The following PLCE1 variants were observed in gnomAD, a reference collection of about 807,000 sequenced individuals.
PLCE1 encodes the protein 1-phosphatidylinositol 4,5-bisphosphate phosphodiesterase epsilon-1.
PLCE1 carries 119 observed loss-of-function variants against 242.8 expected under a neutral mutation model. The ratio of observed to expected loss-of-function variants is 0.49; its 90% CI spans 0.42 to 0.57. PLCE1 has a LOEUF of 0.57. Among genes scored for constraint, PLCE1 ranks in the 20% least tolerant of loss-of-function variants. PLCE1 has a pLI of 0.00. For synonymous variants in PLCE1, 945 were observed against 1,017.4 expected (o/e 0.93, Z 1.35); for missense variants, 2,441 against 2,788.8 (o/e 0.88, Z 2.81).
At chr10:94,275,020 C>T (rs1464724954) in intron 19 of PLCE1, among the ~76,000 whole-genome samples, 1 of 152,124 alleles carries the variant, frequency 6.6e-6, no homozygotes, top group Non-Finnish European at 1.5e-5. Flanking sequence ...CACTGCCAAG[C>T]AGATAAAGCT....
At chr10:94,069,889 A>G (rs2044303677) in intron 2 of PLCE1, among the ~76,000 whole-genome samples, 1 of 152,214 alleles carries the variant, frequency 6.6e-6, no homozygotes, top group African/African-American at 2.4e-5. Flanking sequence ...AGCCAGGTCT[A>G]TAGGACAGCT....
At chr10:94,188,039 G>A (rs1416919649) in intron 4 of PLCE1, among the ~76,000 whole-genome samples, 1 of 151,850 alleles carries the variant, frequency 6.6e-6, no homozygotes, top group Non-Finnish European at 1.5e-5. Flanking sequence ...CAGCTACCAT[G>A]AGGTCCCAGT....
chr10:94,231,466 C>T (rs1020920926), intron 5 of PLCE1, among the ~76,000 whole-genome samples: 19 of 152,148 alleles, frequency 1.2e-4, no homozygotes, highest in African/African-American at 4.3e-4. Flanking sequence ...AGCTCTCCCT[C>T]CCTCAACCCT....
Position 94,298,423 on chromosome 10 carries a change from C to T in PLCE1, c.5212C>T (p.Pro1738Ser). The change falls in exon 24 of 33, where the codon CCT becomes TCT. Residue 1738 changes from proline to serine, a missense_variant. Pro to Ser is a moderately conservative substitution (Grantham distance 74, BLOSUM62 -1). Transcript: ENST00000371380. The surrounding 1 kb of genome is among the most constrained non-coding windows in gnomAD (Gnocchi z 5.2). Reference sequence around the variant, plus strand: ...ACAGACCTGGGAGGAATCTTCTTCCCCTCTCAACCCAACCACGTCCCTCAG... The same window carrying T: ...ACAGACCTGGGAGGAATCTTCTTCCTCTCTCAACCCAACCACGTCCCTCAG... Reference protein sequence around the residue: ...IRQTWEESSSPLNPTTSLSAI... With the variant: ...IRQTWEESSSSLNPTTSLSAI... 6.2e-7 allele frequency: 1 copy of T among 1,614,060 alleles called. No homozygotes were observed. The highest frequency in any genetic ancestry group is 8.5e-7 in the Non-Finnish European group (1 of 1,179,970).
At chr10:94,188,998 TAAAAA>T (rs904632569) in intron 4 of PLCE1, among the ~76,000 whole-genome samples, 3 of 73,818 alleles carry the variant, frequency 4.1e-5, no homozygotes, top group Non-Finnish European at 6.1e-5. Flanking sequence ...TAGGAGAAAG[TAAAAA>T]AAAAAAAAAA....
chr10:94,190,141 G>A (rs551552676), intron 4 of PLCE1, among the ~76,000 whole-genome samples: 44 of 152,220 alleles, frequency 2.9e-4, no homozygotes, highest in East Asian at 1.4e-3. Context: ...AGTTACAGGC[G>A]TGGTAGTGCC....
At chr10:94,242,165 T>C (rs1183470034) in intron 7 of PLCE1, among the ~76,000 whole-genome samples, 2 of 152,150 alleles carry the variant, frequency 1.3e-5, no homozygotes, top group Non-Finnish European at 2.9e-5. Flanking sequence ...CCGAGAGCAA[T>C]TTCAGAGGGA....
chr10:94,057,117 A>G (rs1371517701), intron 2 of PLCE1, among the ~76,000 whole-genome samples: 1 of 152,286 alleles, frequency 6.6e-6, no homozygotes. Flanking sequence ...GAACATTCAT[A>G]TGCAAATTTT....
intron 3 of PLCE1, 125 bp from the exon 4 acceptor site, chr10:94,171,055 G>C: frequency 1.2e-6 from 1 of 823,848 alleles, no homozygotes; most frequent in East Asian, 2.4e-5. Flanking sequence ...AAATAGTACA[G>C]AACTCTTCAC....
At chr10:94,230,784 A>T (rs942527529) in intron 5 of PLCE1, among the ~76,000 whole-genome samples, 14 of 151,890 alleles carry the variant, frequency 9.2e-5, no homozygotes, top group East Asian at 1.9e-4. Flanking sequence ...ATTTAAAAAA[A>T]TTTTTTTAGA....
At chr10:94,028,883 T>C (rs1017292330) in intron 1 of PLCE1, among the ~76,000 whole-genome samples, 2 of 152,060 alleles carry the variant, frequency 1.3e-5, no homozygotes, top group Non-Finnish European at 2.9e-5. Context: ...TTTTAAAATA[T>C]GTCCACAAAT....
intron 4 of PLCE1, among the ~76,000 whole-genome samples, chr10:94,187,028 T>C (rs909252386): frequency 1.3e-5 from 2 of 152,138 alleles, no homozygotes; most frequent in African/African-American, 4.8e-5. Flanking sequence ...AGAGAGAGGC[T>C]ACAGATAAAT....
intron 29 of PLCE1, among the ~76,000 whole-genome samples, chr10:94,320,640 G>C (rs1013804947): frequency 2.6e-5 from 4 of 152,188 alleles, no homozygotes; most frequent in Non-Finnish European, 4.4e-5. Flanking sequence ...GAGTTTTCCT[G>C]CCAAGACCTC....
intron 19 of PLCE1, among the ~76,000 whole-genome samples, chr10:94,278,643 C>T (rs567563298): frequency 4.6e-5 from 7 of 152,214 alleles, no homozygotes; most frequent in Middle Eastern, 6.8e-3. Context: ...AGAAGGGATC[C>T]TGTCTCACCA....
At chr10:94,081,837 T>A (rs1220151120) in intron 2 of PLCE1, 1 of 152,212 alleles carries the variant, frequency 6.6e-6, no homozygotes, top group Non-Finnish European at 1.5e-5. Context: ...CAACTGCCTA[T>A]ACTGCCTCTT....
rs147736773 is a variant in PLCE1 at position 94,079,030 on chromosome 10, C to G, written c.1206+46778C>G. 1.4e-3 allele frequency among the ~76,000 whole-genome samples: 211 copies of G among 152,276 alleles called. 2 individuals carry two copies. Among genetic ancestry groups the G allele is most frequent in the African/African-American group, 4.2e-3 (174 of 41,554 alleles). On this transcript the variant is annotated intron_variant, in intron 2 of 32. Coordinates refer to ENST00000371380, the MANE Select transcript of PLCE1 (RefSeq NM_016341.4). ...ATCCCTCCACGGTGTAATTAGAATTCACTTTCCCCAATGTGGACAGAGTTT... is the reference window on the plus strand; with the variant it reads ...ATCCCTCCACGGTGTAATTAGAATTGACTTTCCCCAATGTGGACAGAGTTT...
intron 19 of PLCE1, among the ~76,000 whole-genome samples, chr10:94,276,660 T>A (rs993881007): frequency 1.3e-5 from 2 of 152,140 alleles, no homozygotes; most frequent in Admixed American, 6.5e-5. Context: ...GCTAAGGAGG[T>A]CACTGTGTGG....
At chr10:94,266,876 T>G (rs1193632641) in intron 16 of PLCE1, among the ~76,000 whole-genome samples, 2 of 152,220 alleles carry the variant, frequency 1.3e-5, no homozygotes, top group Admixed American at 1.3e-4. Context: ...CTAAGGAAAC[T>G]TTATTATGAA....
chr10:94,322,017 C>G lies in PLCE1; in HGVS notation c.6459C>G (p.Ile2153Met). 6.2e-7 allele frequency: 1 copy of G among 1,614,150 alleles called. No homozygotes were observed. The highest frequency in any genetic ancestry group is 2.2e-5 in the East Asian group (1 of 44,884). The change falls in exon 30 of 33, where the codon ATC becomes ATG. Residue 2153 changes from isoleucine (I) to methionine (M), a missense_variant. By Grantham distance (10) the Ile-to-Met change is conservative (BLOSUM62 1). Around this residue, in one of 5 missense-constraint regions of PLCE1, gnomAD observed 310 missense variants for 317.2 expected, o/e 0.98. Transcript: ENST00000371380. ...DVSPEQPRTV[I>M]KAPRVSTAQD... ...CTCCAGAGCAACCTCGAACAGTCATCAAAGCACCCCGCGTCAGCACTGCAC... is the reference window on the plus strand; with the variant it reads ...CTCCAGAGCAACCTCGAACAGTCATGAAAGCACCCCGCGTCAGCACTGCAC...
Sources: allele counts gnomAD v4.1 joint callset (sites outside exome capture counted in the v4.1 genomes callset), GRCh38; gene constraint gnomAD v4.1.1; regional missense constraint gnomAD v4.1.1; non-coding constraint Gnocchi (gnomAD v3.1); transcripts MANE v1.5; gene names NCBI Gene and HGNC (gene_info 2026-07-23, HGNC 2026-07-21).